PTPRM: variants seen among roughly 807,000 people sequenced by gnomAD.
PTPRM encodes the protein receptor-type tyrosine-protein phosphatase mu.
In PTPRM, 47 loss-of-function variants were observed where a neutral mutation model predicts 186.7. The observed-to-expected ratio is 0.25, with a 90% CI of 0.20 to 0.32. The LOEUF (loss-of-function observed/expected upper bound fraction) is 0.32, where lower values mean the gene tolerates loss of function less well. Ranked by LOEUF, PTPRM falls within the 10% of genes least tolerant of loss-of-function variation. The pLI is 1.00. For missense variants in PTPRM, 1,494 were observed against 1,865.0 expected (o/e 0.80, Z 3.66); for synonymous variants, 668 against 674.9 (o/e 0.99, Z 0.16).
chr18:8,279,895 T>C (rs2094881816), intron 19 of PTPRM, among the ~76,000 whole-genome samples: 1 of 152,178 alleles, frequency 6.6e-6, no homozygotes, highest in Non-Finnish European at 1.5e-5. Context: ...GGGGTCTGGC[T>C]TTCTAGATAG....
At chr18:7,640,499 TA>T (rs1174937397) in intron 1 of PTPRM, among the ~76,000 whole-genome samples, 1 of 152,010 alleles carries the variant, frequency 6.6e-6, no homozygotes, top group Non-Finnish European at 1.5e-5. Flanking sequence ...TAAACTAAAA[TA>T]TATATATATG....
intron 1 of PTPRM, among the ~76,000 whole-genome samples, chr18:7,578,332 ATTTTTTTTTT>A (rs34096793): frequency 8.2e-6 from 1 of 121,554 alleles, no homozygotes; most frequent in Non-Finnish European, 1.7e-5. Flanking sequence ...TGGCTAATTA[ATTTTTTTTTT>A]TTTTTTTTTT....
At chr18:7,773,029 G>A (rs1022729283) in intron 1 of PTPRM, among the ~76,000 whole-genome samples, 1 of 151,918 alleles carries the variant, frequency 6.6e-6, no homozygotes, top group African/African-American at 2.4e-5. Flanking sequence ...ATATGAGATG[G>A]GACAAAATCA....
In PTPRM at chr18:7,668,725, G is replaced by A. The variant is rs2039152580; in HGVS notation, c.73+100834G>A. On this transcript the variant is annotated intron_variant, in intron 1 of 32. Transcript: ENST00000580170. This position sits in a 1 kb window ranked among gnomAD's most constrained non-coding sequence, Gnocchi z 4.7. ...TGCTTTCTCACCTTCTTAGGTCCTA[G>A]TGTCAACTTCTCAGCAAGGCTCACC... Among the ~76,000 whole-genome samples the A allele has an allele frequency of 1.3e-5, 2 of 152,122 alleles. No homozygotes were observed. Among genetic ancestry groups the A allele is most frequent in the African/African-American group, 4.8e-5 (2 of 41,428 alleles).
intron 19 of PTPRM, among the ~76,000 whole-genome samples, chr18:8,288,705 G>T (rs1394610847): frequency 6.6e-6 from 1 of 152,116 alleles, no homozygotes; most frequent in African/African-American, 2.4e-5. Context: ...CTTGATCAAT[G>T]GTTCTCAACT....
At chr18:7,643,650 T>G (rs1001946073) in intron 1 of PTPRM, among the ~76,000 whole-genome samples, 19 of 152,306 alleles carry the variant, frequency 1.2e-4, no homozygotes, top group African/African-American at 4.1e-4. Context: ...CTCATTCCTT[T>G]ATTTTTTATG....
chr18:8,102,424 C>T (rs1373568074), intron 11 of PTPRM, among the ~76,000 whole-genome samples: 1 of 152,224 alleles, frequency 6.6e-6, no homozygotes, highest in Non-Finnish European at 1.5e-5. Context: ...AGTGCGTTAT[C>T]AACTATGTTA....
rs151295988 is a variant in PTPRM at position 8,026,750 on chromosome 18, C to T, written c.1133-42936C>T. Among the ~76,000 whole-genome samples the T allele has an allele frequency of 8.9e-3, 1,355 of 151,782 alleles. 15 individuals are homozygous for T. Among genetic ancestry groups the T allele is most frequent in the African/African-American group, 0.03 (1,247 of 41,356 alleles). On this transcript the variant is annotated intron_variant, in intron 7 of 32. Coordinates refer to ENST00000580170, the MANE Select transcript of PTPRM (RefSeq NM_001105244.2). ...GTGGACGCCTGTAGTCCCAGCTACTCGGGAGGCTGAGGCAGGAGAATCACT... is the reference window on the plus strand; with the variant it reads ...GTGGACGCCTGTAGTCCCAGCTACTTGGGAGGCTGAGGCAGGAGAATCACT...
At chr18:7,706,010 T>C (rs897862715) in intron 1 of PTPRM, among the ~76,000 whole-genome samples, 3 of 148,066 alleles carry the variant, frequency 2.0e-5, no homozygotes, top group Non-Finnish European at 3.0e-5. Flanking sequence ...ATATATAATA[T>C]ATATACTATA....
intron 1 of PTPRM, among the ~76,000 whole-genome samples, chr18:7,751,858 TA>T (rs1414332842): frequency 1.3e-5 from 2 of 152,068 alleles, no homozygotes; most frequent in East Asian, 3.9e-4. Flanking sequence ...CCTTCCTCTC[TA>T]GCTAATAGAA....
At chr18:8,009,102 G>A (rs1458081286) in intron 7 of PTPRM, among the ~76,000 whole-genome samples, 9 of 152,110 alleles carry the variant, frequency 5.9e-5, no homozygotes, top group Admixed American at 2.0e-4. Context: ...AAGTAAGCGA[G>A]GAGGAGAGAG....
At chr18:8,064,469 G>C (rs547063946) in intron 7 of PTPRM, among the ~76,000 whole-genome samples, 122 of 151,966 alleles carry the variant, frequency 8.0e-4, no homozygotes, top group Middle Eastern at 3.4e-3. Context: ...AGGATTGTAT[G>C]ATTTTTTGAA....
At chr18:8,256,347 G>A (rs559732840) in intron 19 of PTPRM, among the ~76,000 whole-genome samples, 1 of 152,306 alleles carries the variant, frequency 6.6e-6, no homozygotes, top group South Asian at 2.1e-4. Context: ...TAACCTCTCT[G>A]GGCCTCAGTT....
intron 13 of PTPRM, among the ~76,000 whole-genome samples, chr18:8,118,457 G>A (rs2092040053): frequency 6.6e-6 from 1 of 152,060 alleles, no homozygotes; most frequent in South Asian, 2.1e-4. Context: ...ATGCAGCCCC[G>A]GATGGCTTTG....
At chr18:8,105,011 G>A (rs1330301772) in intron 11 of PTPRM, among the ~76,000 whole-genome samples, 4 of 151,940 alleles carry the variant, frequency 2.6e-5, no homozygotes, top group African/African-American at 9.7e-5. Context: ...AAACCTTCAG[G>A]GCTAAATGCA....
intron 2 of PTPRM, among the ~76,000 whole-genome samples, chr18:7,886,430 G>A (rs566342245): frequency 6.6e-6 from 1 of 152,308 alleles, no homozygotes; most frequent in East Asian, 1.9e-4. Context: ...TCATAGGTAA[G>A]TTATATTTCA....
chr18:7,686,398 A>G (rs1055619278), intron 1 of PTPRM, among the ~76,000 whole-genome samples: 27 of 152,198 alleles, frequency 1.8e-4, no homozygotes, highest in Non-Finnish European at 1.9e-4. Context: ...GCCTTAAACA[A>G]TAGTCTTTTA....
At chr18:8,060,288 G>A (rs2088378738) in intron 7 of PTPRM, among the ~76,000 whole-genome samples, 1 of 115,748 alleles carries the variant, frequency 8.6e-6, no homozygotes, top group Admixed American at 9.2e-5. Context: ...ATTTCTGTGG[G>A]ATTGGTGGTG....
chr18:7,874,684 G>A (rs1048812180), intron 2 of PTPRM, among the ~76,000 whole-genome samples: 1 of 152,104 alleles, frequency 6.6e-6, no homozygotes, highest in Non-Finnish European at 1.5e-5. Context: ...AAACGAAATA[G>A]TGTACTCAGT....
Sources: allele counts gnomAD v4.1 joint callset (sites outside exome capture counted in the v4.1 genomes callset), GRCh38; gene constraint gnomAD v4.1.1; non-coding constraint Gnocchi (gnomAD v3.1); transcripts MANE v1.5; gene names NCBI Gene and HGNC (gene_info 2026-07-23, HGNC 2026-07-21).